The following ROS1 variants were observed in gnomAD, a reference collection of about 807,000 sequenced individuals.
ROS1 encodes proto-oncogene tyrosine-protein kinase ROS.
In ROS1, 263 loss-of-function variants were observed where a neutral mutation model predicts 273.5. The ratio of observed to expected loss-of-function variants is 0.96; its 90% CI spans 0.87 to 1.06. ROS1 has a LOEUF of 1.06. Ranked by LOEUF, ROS1 falls within the 50% of genes least tolerant of loss-of-function variation. The pLI is 0.00. For synonymous variants in ROS1, 1,008 were observed against 954.1 expected (o/e 1.06, Z -1.04); for missense variants, 2,833 against 2,751.1 (o/e 1.03, Z -0.67).
chr6:117,365,800 T>C (rs1780167940), intron 19 of ROS1, 59 bp from the exon 20 acceptor site: 2 of 1,286,018 alleles, frequency 1.6e-6, no homozygotes, highest in Non-Finnish European at 2.1e-6. Context: ...TTGACCAATA[T>C]AGAAATCATA....
chr6:117,359,811 C>G lies in ROS1; in HGVS notation c.3631G>C (p.Glu1211Gln). The change falls in exon 24 of 44, where the codon GAG becomes CAG. Residue 1211 changes from glutamate to glutamine, a missense_variant and splice_region_variant. By Grantham distance (29) the Glu-to-Gln change is conservative. Coordinates refer to ENST00000368507, the MANE Select transcript of ROS1 (RefSeq NM_001378902.1). ...GGAAGAATTACATAGTGAAATACCT[C>G]AGAGCTAGAGCGATTGTGCAAGTGC... ...LLHLHNRSSS[E>Q]LFQDSLVFDI... 6.2e-7 allele frequency: 1 copy of G among 1,612,588 alleles called. No individual in the cohort carries two copies. Among genetic ancestry groups the G allele is most frequent in the Non-Finnish European group, 8.5e-7 (1 of 1,178,796 alleles).
At chr6:117,332,456 G>A (rs555588216) in intron 32 of ROS1, among the ~76,000 whole-genome samples, 2 of 152,256 alleles carry the variant, frequency 1.3e-5, no homozygotes, top group African/African-American at 4.8e-5. Flanking sequence ...AATTAACAAG[G>A]ATATTCAGGA....
intron 28 of ROS1, among the ~76,000 whole-genome samples, chr6:117,343,218 C>G (rs941529482): frequency 6.6e-6 from 1 of 152,036 alleles, no homozygotes; most frequent in Non-Finnish European, 1.5e-5. Flanking sequence ...CAAGTCCAAT[C>G]TTGGCCAGCC....
At chr6:117,297,671 TATC>T (rs930850571) in intron 43 of ROS1, among the ~76,000 whole-genome samples, 1 of 152,100 alleles carries the variant, frequency 6.6e-6, no homozygotes, top group Non-Finnish European at 1.5e-5. Context: ...AATAATAAGA[TATC>T]ATCCTCCCCG....
At chr6:117,289,798 T>C (rs1773700192) in intron 43 of ROS1, among the ~76,000 whole-genome samples, 1 of 152,206 alleles carries the variant, frequency 6.6e-6, no homozygotes, top group Non-Finnish European at 1.5e-5. Context: ...GTTTGGTTAG[T>C]ACCTGGGTGT....
At chr6:117,297,610 T>C (rs1259153174) in intron 43 of ROS1, among the ~76,000 whole-genome samples, 1 of 152,120 alleles carries the variant, frequency 6.6e-6, no homozygotes, top group Non-Finnish European at 1.5e-5. Flanking sequence ...CCAACAGGTA[T>C]ATGGAAAAAT....
At chr6:117,404,545 A>G in intron 5 of ROS1, 117 bp from the exon 6 acceptor site, 1 of 842,560 alleles carries the variant, frequency 1.2e-6, no homozygotes, top group Non-Finnish European at 1.8e-6. Flanking sequence ...ATCTTGCCAC[A>G]ATAACTCACT....
chr6:117,311,064 A>C lies in ROS1; in HGVS notation c.6171T>G (p.Ile2057Met). The C allele has an allele frequency of 3.1e-6, 5 of 1,610,958 alleles. No individual in the cohort carries two copies. The highest frequency in any genetic ancestry group is 3.4e-6 in the Non-Finnish European group (4 of 1,178,504). Reference protein sequence around the residue: ...LVDLVDLCVDISKGCVYLERM... With the variant: ...LVDLVDLCVDMSKGCVYLERM... ...GTTCCAAGTAGACACAGCCTTTTGA[A>C]ATATCTACACACAGGTCTACAAGGT... The change falls in exon 40 of 44, where the codon ATT becomes ATG. Residue 2057 changes from isoleucine (I) to methionine (M), a missense_variant. Transcript: ENST00000368507.
At chr6:117,371,827 A>G (rs943358011) in intron 18 of ROS1, among the ~76,000 whole-genome samples, 6 of 152,210 alleles carry the variant, frequency 3.9e-5, no homozygotes, top group South Asian at 2.1e-4. Context: ...TGTATAATGC[A>G]GTAAAGTCAG....
chr6:117,343,012 C>T (rs1778066881), intron 28 of ROS1, among the ~76,000 whole-genome samples: 1 of 151,954 alleles, frequency 6.6e-6, no homozygotes. Flanking sequence ...TTTTAAGAAA[C>T]TACTATGCCT....
chr6:117,314,740 C>T (rs1393220843), intron 39 of ROS1, among the ~76,000 whole-genome samples: 4 of 152,100 alleles, frequency 2.6e-5, no homozygotes, highest in Admixed American at 2.0e-4. Context: ...CATTTACTGT[C>T]CAGAGGAGAA....
In ROS1 at chr6:117,393,219, C is replaced by T. The variant is rs539910603; in HGVS notation, c.1289+5G>A. 2.1e-5 allele frequency: 31 copies of T among 1,490,398 alleles called. No individual in the cohort carries two copies. In the South Asian group the frequency reaches 3.2e-4, roughly 15 times the overall value. The allele number at this position is 1,490,398 out of a possible 1,614,324, so 92.3% of individuals were successfully genotyped here. On this transcript the variant is annotated splice_donor_5th_base_variant and intron_variant, in intron 12 of 43. Coordinates refer to ENST00000368507, the MANE Select transcript of ROS1 (RefSeq NM_001378902.1). ...AGAATTCATCTTTACAAGGCTAACA[C>T]ATACCCATTGTATGAATCAGCCACA...
intron 32 of ROS1, among the ~76,000 whole-genome samples, chr6:117,335,824 C>T (rs9489133): frequency 0.045 from 6,817 of 152,056 alleles, 244 homozygotes; most frequent in African/African-American, 0.1. Flanking sequence ...CAGCACACAC[C>T]AGGGCCTGTT....
At chr6:117,296,228 T>C (rs566238400) in intron 43 of ROS1, among the ~76,000 whole-genome samples, 75 of 140,876 alleles carry the variant, frequency 5.3e-4, no homozygotes, top group Middle Eastern at 7.2e-3. Context: ...TGAAACCCAG[T>C]CTCTACTAAA....
At chr6:117,291,882 G>A (rs980591840) in intron 43 of ROS1, among the ~76,000 whole-genome samples, 2 of 152,160 alleles carry the variant, frequency 1.3e-5, no homozygotes, top group African/African-American at 4.8e-5. Context: ...AGGGTCCGTG[G>A]AGACTTCAAG....
In ROS1 at chr6:117,425,449, G is replaced by C. The variant is rs528920944; in HGVS notation, c.123+85C>G. The C allele has an allele frequency of 2.1e-5, 29 of 1,370,254 alleles. No individual in the cohort carries two copies. The African/African-American group carries it at 4.2e-4, about 20-fold the overall frequency. 84.9% of individuals were successfully genotyped at this position (1,370,254 alleles called of 1,614,324 possible). On this transcript the variant is annotated intron_variant, in intron 1 of 43. Coordinates refer to ENST00000368507, the MANE Select transcript of ROS1 (RefSeq NM_001378902.1). ...TTCTCATAAGAAAACTCCTCATAAAGAGAAAACAATTCTATCAGTTATAAC... is the reference window on the plus strand; with the variant it reads ...TTCTCATAAGAAAACTCCTCATAAACAGAAAACAATTCTATCAGTTATAAC...
At chr6:117,423,807 A>G (rs1444802002) in intron 1 of ROS1, among the ~76,000 whole-genome samples, 1 of 152,168 alleles carries the variant, frequency 6.6e-6, no homozygotes, top group Non-Finnish European at 1.5e-5. Context: ...TGCAGAAAAT[A>G]TAATAAACTT....
chr6:117,417,713 A>T (rs1489949438), intron 2 of ROS1, among the ~76,000 whole-genome samples: 1 of 152,194 alleles, frequency 6.6e-6, no homozygotes, highest in African/African-American at 2.4e-5. Flanking sequence ...TGAAATACTC[A>T]GTTTCCTTAA....
Position 117,383,307 on chromosome 6 carries a change from A to G in ROS1, c.2481+10T>C. 1.2e-6 allele frequency: 2 copies of G among 1,603,728 alleles called. No homozygotes were observed. Among genetic ancestry groups the G allele is most frequent in the Non-Finnish European group, 1.7e-6 (2 of 1,170,982 alleles). On this transcript the variant is annotated intron_variant, in intron 17 of 43. Coordinates refer to ENST00000368507, the MANE Select transcript of ROS1 (RefSeq NM_001378902.1). ...GTATTACTAAATGATCAGATCTTTT[A>G]ATTTGTCACCTTTTTCCCAGAAAAC...
Sources: gnomAD v4.1 joint callset for allele counts (sites outside exome capture counted in the v4.1 genomes callset) on GRCh38, gnomAD v4.1.1 for gene constraint, MANE v1.5 for transcripts, NCBI Gene and HGNC (gene_info 2026-07-23, HGNC 2026-07-21) for gene names.